Variants in ST3GAL3 observed in about 807,000 individuals in gnomAD.
ST3GAL3 encodes ST3 beta-galactoside alpha-2,3-sialyltransferase 3.
Under a neutral mutation model 50.1 loss-of-function variants are expected in ST3GAL3, and 21 were observed. That is an observed-to-expected ratio of 0.42 (90% confidence interval 0.30 to 0.60). ST3GAL3 has a LOEUF of 0.60. ST3GAL3 is among the 20% of genes least tolerant of loss of function. The pLI is 0.19. For missense variants in ST3GAL3, 353 were observed against 489.4 expected (o/e 0.72, Z 2.63); for synonymous variants, 183 against 190.0 (o/e 0.96, Z 0.30).
Position 43,836,415 on chromosome 1 carries a change from A to G in ST3GAL3, c.210-1804A>G, listed in dbSNP as rs547938123. 1.1e-4 allele frequency among the ~76,000 whole-genome samples: 16 copies of G among 152,352 alleles called. No homozygotes were observed. The South Asian group carries it at 3.3e-3, about 32-fold the overall frequency. On this transcript the variant is annotated intron_variant, in intron 4 of 11. Coordinates refer to ENST00000347631, the MANE Select transcript of ST3GAL3 (RefSeq NM_006279.5). ...TGTAGATTTCTAAAAGAAATTGTGC[A>G]TTGATCAGATGAGTTTGTGTTCAAT...
At chr1:43,814,864 G>A in intron 3 of ST3GAL3, 27 bp from the exon 4 acceptor site, 1 of 1,613,596 alleles carries the variant, frequency 6.2e-7, no homozygotes. Context: ...CTTGACTTCA[G>A]TGACATTTTC....
intron 2 of ST3GAL3, among the ~76,000 whole-genome samples, chr1:43,753,980 A>G (rs1043982876): frequency 6.6e-6 from 1 of 152,296 alleles, no homozygotes; most frequent in African/African-American, 2.4e-5. Context: ...ACCTTCACAG[A>G]ACGTCAGTTC....
intron 2 of ST3GAL3, among the ~76,000 whole-genome samples, chr1:43,746,917 C>T (rs1039423574): frequency 1.1e-4 from 17 of 151,770 alleles, no homozygotes; most frequent in African/African-American, 3.9e-4. Context: ...CATGTGCTAC[C>T]ATGCCTGACT....
chr1:43,824,949 C>T (rs1255268136), intron 4 of ST3GAL3: 1 of 717,484 alleles, frequency 1.4e-6, no homozygotes, highest in Non-Finnish European at 2.6e-6. Flanking sequence ...GATTCTGTTT[C>T]CTGTCTCAGG....
rs139111726 is a variant in ST3GAL3 at position 43,899,006 on chromosome 1, G to A, written c.462-162G>A. The A allele has an allele frequency of 7.4e-3, 6,484 of 880,216 alleles. 39 individuals carry two copies. The highest frequency in any genetic ancestry group is 9.5e-3 in the Non-Finnish European group (5,433 of 570,944). 54.5% of individuals were successfully genotyped at this position (880,216 alleles called of 1,614,324 possible). A position where few individuals can be genotyped will look rare whatever the true frequency, so the allele number is the denominator to read the frequency against. On this transcript the variant is annotated intron_variant, in intron 7 of 11. Transcript: ENST00000347631. This position sits in a 1 kb window ranked among gnomAD's most constrained non-coding sequence, Gnocchi z 5.4. Reference sequence around the variant, plus strand: ...CTCAGGGCCCAGCTACCCATTGTATGGTTCAGGCCTTCTCTCAGAAATGCT... The same window carrying A: ...CTCAGGGCCCAGCTACCCATTGTATAGTTCAGGCCTTCTCTCAGAAATGCT...
intron 4 of ST3GAL3, chr1:43,819,117 G>A (rs2061766983): frequency 6.6e-6 from 1 of 152,026 alleles, no homozygotes; most frequent in South Asian, 2.1e-4. Flanking sequence ...TTTTTAGACG[G>A]AGTTTCATTC....
chr1:43,884,219 G>T (rs1486670129), intron 5 of ST3GAL3, among the ~76,000 whole-genome samples: 1 of 152,120 alleles, frequency 6.6e-6, no homozygotes, highest in African/African-American at 2.4e-5. Flanking sequence ...TCCTGAACAG[G>T]CTTGGAATAG....
In ST3GAL3 at chr1:43,926,271, A is replaced by C. The variant is rs564634509; in HGVS notation, c.1039-3861A>C. On this transcript the variant is annotated intron_variant, in intron 11 of 11. Coordinates refer to ENST00000347631, the MANE Select transcript of ST3GAL3 (RefSeq NM_006279.5). ...GCAGGACCCTTGAACGTGGATACTT[A>C]ACGGTTGGGCGAGGAGCCAAAGAAA... Among the ~76,000 whole-genome samples the C allele has an allele frequency of 1.1e-4, 17 of 152,290 alleles. No individual in the cohort carries two copies. In the South Asian group the frequency reaches 3.1e-3, roughly 28 times the overall value.
intron 11 of ST3GAL3, among the ~76,000 whole-genome samples, chr1:43,929,382 G>A (rs1397651728): frequency 1.3e-5 from 2 of 151,542 alleles, no homozygotes; most frequent in East Asian, 3.9e-4. Context: ...TCGGCTCACT[G>A]CAACCTCTGC....
Position 43,820,218 on chromosome 1 carries a change from T to C in ST3GAL3, c.209+5285T>C, listed in dbSNP as rs148262705. Reference sequence around the variant, plus strand: ...AATAAGCAATAGGGAATGGACTCCCTATTCAATAAATGGTGTTGGGATAAC... The same window carrying C: ...AATAAGCAATAGGGAATGGACTCCCCATTCAATAAATGGTGTTGGGATAAC... On this transcript the variant is annotated intron_variant, in intron 4 of 11. Coordinates refer to ENST00000347631, the MANE Select transcript of ST3GAL3 (RefSeq NM_006279.5). 4.7e-3 allele frequency among the ~76,000 whole-genome samples: 720 copies of C among 152,314 alleles called. 7 individuals carry two copies. The highest frequency in any genetic ancestry group is 0.019 in the South Asian group (92 of 4,812).
intron 5 of ST3GAL3, among the ~76,000 whole-genome samples, chr1:43,844,626 A>G (rs1236884308): frequency 6.6e-6 from 1 of 152,072 alleles, no homozygotes; most frequent in Non-Finnish European, 1.5e-5. Context: ...TCTGGCTAAC[A>G]CGGTGAAACC....
At chr1:43,766,224 A>G (rs986113541) in intron 2 of ST3GAL3, among the ~76,000 whole-genome samples, 7 of 152,086 alleles carry the variant, frequency 4.6e-5, no homozygotes, top group Admixed American at 2.0e-4. Context: ...CTGTCAGTCT[A>G]TGAGGATTAC....
At chr1:43,755,795 A>G (rs1487308371) in intron 2 of ST3GAL3, among the ~76,000 whole-genome samples, 1 of 152,218 alleles carries the variant, frequency 6.6e-6, no homozygotes, top group Non-Finnish European at 1.5e-5. Context: ...CATAAAATTA[A>G]AAATTGATAA....
chr1:43,750,517 A>G (rs753075873), intron 2 of ST3GAL3, among the ~76,000 whole-genome samples: 25 of 152,232 alleles, frequency 1.6e-4, no homozygotes, highest in Non-Finnish European at 7.3e-5. Flanking sequence ...TTAAAGTACT[A>G]GAAAACAATA....
chr1:43,736,468 A>C, intron 2 of ST3GAL3, 88 bp downstream of exon 2: 1 of 1,611,846 alleles, frequency 6.2e-7, no homozygotes. Context: ...CATATTCTTC[A>C]GAGATGGGCA....
At chr1:43,779,069 G>A (rs1379637200) in intron 2 of ST3GAL3, among the ~76,000 whole-genome samples, 1 of 151,956 alleles carries the variant, frequency 6.6e-6, no homozygotes, top group Non-Finnish European at 1.5e-5. Flanking sequence ...AACCTCCCGA[G>A]TAGATGGGAT....
intron 9 of ST3GAL3, among the ~76,000 whole-genome samples, chr1:43,915,572 G>A (rs886920468): frequency 4.6e-5 from 7 of 152,106 alleles, no homozygotes; most frequent in Non-Finnish European, 8.8e-5. Flanking sequence ...GGGTGGAGGG[G>A]GCGAGGAAAG....
chr1:43,722,190 C>T (rs374267096), intron 1 of ST3GAL3, among the ~76,000 whole-genome samples: 6 of 152,000 alleles, frequency 3.9e-5, no homozygotes, highest in Non-Finnish European at 7.4e-5. Context: ...TTAGCTGAGA[C>T]GTAAAAGATA....
At chr1:43,878,251 G>A (rs1047447938) in intron 5 of ST3GAL3, among the ~76,000 whole-genome samples, 1 of 152,114 alleles carries the variant, frequency 6.6e-6, no homozygotes, top group African/African-American at 2.4e-5. Flanking sequence ...AATGGTGTTA[G>A]GGCTCACCTA....
Sources: gnomAD v4.1 joint callset for allele counts (sites outside exome capture counted in the v4.1 genomes callset) on GRCh38, gnomAD v4.1.1 for gene constraint, Gnocchi (gnomAD v3.1) non-coding constraint, MANE v1.5 for transcripts, NCBI Gene and HGNC (gene_info 2026-07-23, HGNC 2026-07-21) for gene names.